WAC: variants seen among roughly 807,000 people sequenced by gnomAD.
WAC encodes the protein WW domain containing adaptor with coiled-coil.
Under a neutral mutation model 79.6 loss-of-function variants are expected in WAC, and 11 were observed. That is an observed-to-expected ratio of 0.14 (90% CI 0.09 to 0.23). The LOEUF (loss-of-function observed/expected upper bound fraction) is 0.23. Ranked by LOEUF, WAC falls within the 10% of genes least tolerant of loss-of-function variation. The probability of loss-of-function intolerance (pLI) is 1.00; values close to 1 mark genes in which losing one functional copy is unlikely to be tolerated. For missense variants in WAC, 728 were observed against 773.5 expected, an observed-to-expected ratio of 0.94 and a Z score of 0.70; for synonymous variants, 304 against 276.9, an observed-to-expected ratio of 1.10 and a Z score of -0.97.
intron 3 of WAC, among the ~76,000 whole-genome samples, chr10:28,543,468 C>T (rs897640045): frequency 1.5e-4 from 23 of 152,360 alleles, no homozygotes; most frequent in Admixed American, 3.3e-4. Flanking sequence ...TCAGTTTGGA[C>T]AAGCCACATT....
At chr10:28,533,761 CGCGGGCGG>C (rs922941687) in intron 1 of WAC, 141 bp downstream of exon 1, 84 of 775,032 alleles carry the variant, frequency 1.1e-4, no homozygotes, top group Non-Finnish European at 1.5e-4. Flanking sequence ...GGAGCGGCCG[CGCGGGCGG>C]GCGGGCGGGA....
At chr10:28,613,706 C>A (rs1303161574) in intron 10 of WAC, among the ~76,000 whole-genome samples, 1 of 152,142 alleles carries the variant, frequency 6.6e-6, no homozygotes, top group Non-Finnish European at 1.5e-5. Context: ...AATTATTAAT[C>A]ATATCCCCTC....
intron 3 of WAC, among the ~76,000 whole-genome samples, chr10:28,555,576 T>C (rs1439024352): frequency 6.6e-6 from 1 of 152,094 alleles, no homozygotes; most frequent in Non-Finnish European, 1.5e-5. Flanking sequence ...TAGGAGTCAG[T>C]GGGTGGAAAA....
chr10:28,595,932 A>G lies in WAC; in HGVS notation c.810A>G (p.Leu270=), dbSNP rs1171133180. 2 of 1,614,206 alleles carry G rather than the reference A, an allele frequency of 1.2e-6. No individual in the cohort carries two copies. Among genetic ancestry groups the G allele is most frequent in the Admixed American group, 3.3e-5 (2 of 60,028 alleles). ...PSTVPSSPFT[L]QSDHQPKKSF... ...CTGTTCCTTCTAGTCCATTTACGCT[A>G]CAGTCTGATCACCAGCCAAAGAAAT... The change falls in exon 7 of 14, where the codon CTA becomes CTG. Residue 270 remains leucine, a synonymous_variant. Transcript: ENST00000354911.
chr10:28,553,361 CT>C (rs1564381169), intron 3 of WAC, among the ~76,000 whole-genome samples: 1 of 152,110 alleles, frequency 6.6e-6, no homozygotes, highest in Non-Finnish European at 1.5e-5. Flanking sequence ...TATTCATTTT[CT>C]GCTTAAGTCA....
chr10:28,540,279 A>T (rs1836937677), intron 3 of WAC, among the ~76,000 whole-genome samples: 1 of 152,372 alleles, frequency 6.6e-6, no homozygotes, highest in East Asian at 1.9e-4. Flanking sequence ...GCAACAGCTC[A>T]GTCTAGAAAC....
At chr10:28,595,671 TA>T in intron 6 of WAC, 61 bp from the exon 7 acceptor site, 1 of 1,492,524 alleles carries the variant, frequency 6.7e-7, no homozygotes, top group Non-Finnish European at 9.1e-7. Context: ...GATTCTAATG[TA>T]ATCTTTTTTC....
At chr10:28,583,351 A>C in intron 3 of WAC, 48 bp from the exon 4 acceptor site, 3 of 1,358,294 alleles carry the variant, frequency 2.2e-6, no homozygotes, top group South Asian at 2.8e-5. Context: ...TAGATTAAAC[A>C]TGAAATACAG....
At chr10:28,586,388 T>TG (rs747193014) in intron 4 of WAC, among the ~76,000 whole-genome samples, 20 of 152,220 alleles carry the variant, frequency 1.3e-4, no homozygotes, top group Non-Finnish European at 2.2e-4. Context: ...AAAAAAGTCA[T>TG]GGGAATGTTG....
chr10:28,604,024 T>A (rs1160793096), intron 7 of WAC, among the ~76,000 whole-genome samples: 1 of 142,472 alleles, frequency 7.0e-6, no homozygotes, highest in Non-Finnish European at 1.5e-5. Flanking sequence ...AAAAGTACAC[T>A]GATTTTTTTT....
intron 3 of WAC, among the ~76,000 whole-genome samples, chr10:28,565,231 T>C (rs2132511591): frequency 6.6e-6 from 1 of 152,354 alleles, no homozygotes; most frequent in East Asian, 1.9e-4. Flanking sequence ...TGTGGATCGT[T>C]TCCAGGTTAA....
At chr10:28,534,101 G>C in intron 2 of WAC, 67 bp downstream of exon 2, 1 of 1,478,158 alleles carries the variant, frequency 6.8e-7, no homozygotes, top group African/African-American at 1.5e-5. Flanking sequence ...ACTGCTACTC[G>C]AGCGCAGGCC....
At chr10:28,606,480 C>G (rs1441571916) in intron 7 of WAC, among the ~76,000 whole-genome samples, 1 of 152,138 alleles carries the variant, frequency 6.6e-6, no homozygotes, top group Non-Finnish European at 1.5e-5. Flanking sequence ...TACCCTTACG[C>G]AAATAAAAAT....
intron 6 of WAC, among the ~76,000 whole-genome samples, chr10:28,593,110 T>G (rs545339011): frequency 1.3e-5 from 2 of 152,366 alleles, no homozygotes; most frequent in East Asian, 3.9e-4. Context: ...TGTGCTTGTG[T>G]TGAAATGTAG....
Position 28,616,357 on chromosome 10 carries a change from A to C in WAC, c.1741A>C (p.Lys581Gln). ...AGGATGGCCTGCAGATCATGCAGAG[A>C]AGCAGGTATGTTATGTACAGCCTAG... ...VQGWPADHAE[K>Q]QASRLREEAH... The change falls in exon 12 of 14, where the codon AAG (lysine) becomes CAG (glutamine). Residue 581 changes from lysine to glutamine, a missense_variant. By Grantham distance (53) the Lys-to-Gln change is moderately conservative. Coordinates refer to ENST00000354911, the MANE Select transcript of WAC (RefSeq NM_016628.5). 1 of 1,607,800 alleles carries C rather than the reference A, an allele frequency of 6.2e-7. No homozygotes were observed. The highest frequency in any genetic ancestry group is 8.5e-7 in the Non-Finnish European group (1 of 1,176,278).
At chr10:28,551,784 T>TTTGTGTGTG (rs3222049) in intron 3 of WAC, among the ~76,000 whole-genome samples, 4 of 124,808 alleles carry the variant, frequency 3.2e-5, no homozygotes, top group African/African-American at 1.3e-4. Flanking sequence ...TCCTGTCTAC[T>TTTGTGTGTG]TGTGTGTGTG....
intron 8 of WAC, 179 bp downstream of exon 8, chr10:28,608,610 C>T (rs947791899): frequency 9.4e-6 from 6 of 639,474 alleles, no homozygotes; most frequent in Non-Finnish European, 1.6e-5. Context: ...TAGTTTAAGA[C>T]CATTGGTAGT....
chr10:28,622,952 C>G lies in WAC; in HGVS notation c.*3346C>G, dbSNP rs1160615447. The G allele has an allele frequency of 1.3e-5, 2 of 152,072 alleles. No individual in the cohort carries two copies. The highest frequency in any genetic ancestry group is 2.9e-5 in the Non-Finnish European group (2 of 68,028). 9.4% of individuals were successfully genotyped at this position (152,072 alleles called of 1,614,324 possible). ...CAATACCTGTAAATATGGCTATATTCTTGTATTTGTACGGGAGTGTACAAA... is the reference window on the plus strand; with the variant it reads ...CAATACCTGTAAATATGGCTATATTGTTGTATTTGTACGGGAGTGTACAAA... On this transcript the variant is annotated 3_prime_UTR_variant, in exon 14 of 14. Coordinates refer to ENST00000354911, the MANE Select transcript of WAC (RefSeq NM_016628.5).
intron 12 of WAC, among the ~76,000 whole-genome samples, chr10:28,616,678 T>C (rs1841482287): frequency 6.6e-6 from 1 of 152,202 alleles, no homozygotes; most frequent in Non-Finnish European, 1.5e-5. Context: ...GACCAAATAG[T>C]GCATAAGACC....
Sources: gnomAD v4.1 joint callset for allele counts (sites outside exome capture counted in the v4.1 genomes callset) on GRCh38, gnomAD v4.1.1 for gene constraint, MANE v1.5 for transcripts, NCBI Gene and HGNC (gene_info 2026-07-23, HGNC 2026-07-21) for gene names.